The following HIKESHI variants were observed in gnomAD, a reference collection of about 807,000 sequenced individuals.
HIKESHI encodes heat shock protein nuclear import factor hikeshi, also known as protein Hikeshi.
A neutral mutation model predicts 25.7 loss-of-function variants in HIKESHI; 13 were observed. The observed-to-expected ratio is 0.51, with a 90% CI of 0.33 to 0.80. HIKESHI has a LOEUF of 0.80. HIKESHI is among the 30% of genes least tolerant of loss of function. The pLI, the probability that HIKESHI is intolerant of heterozygous loss-of-function variation, is 0.02. For synonymous variants in HIKESHI, 76 were observed against 78.7 expected (o/e 0.97, Z 0.18); for missense variants, 174 against 229.5 (o/e 0.76, Z 1.56).
At position 86,317,677 on chromosome 11, in the gene HIKESHI, G is replaced by A. The variant is rs142907060; in HGVS notation, c.268+11195G>A. The stretch of plus-strand genomic sequence containing the variant: ...AAAAATTAGCTTGGTGTGGTGGTGC[G>A]CGCCTGTTGTCCCAGCACTCGAGAG... On this transcript the variant is annotated intron_variant, in intron 2 of 4. Coordinates refer to ENST00000278483, the MANE Select transcript of HIKESHI (RefSeq NM_016401.4). Among the ~76,000 whole-genome samples the A allele has an allele frequency of 1.3e-3, 204 of 152,062 alleles. 2 individuals carry two copies. The highest frequency in any genetic ancestry group is 2.3e-3 in the South Asian group (11 of 4,810).
Position 86,306,296 on chromosome 11 carries a change from C to A in HIKESHI, c.82C>A (p.Pro28Thr), listed in dbSNP as rs374929851. 23 of 1,614,018 alleles carry A rather than the reference C, an allele frequency of 1.4e-5. No homozygotes were observed. Among genetic ancestry groups the A allele is most frequent in the Non-Finnish European group, 1.9e-5 (23 of 1,179,958 alleles). ...VAEDKFVFDL[P>T]DYESINHVVV... ...AGAGGATAAATTTGTTTTTGACTTA[C>A]CTGATTATGAAAGTATCAACCATGT... The change falls in exon 2 of 5, where the codon CCT (proline) becomes ACT (threonine). Residue 28 changes from proline (P) to threonine (T), a missense_variant. By Grantham distance (38) the Pro-to-Thr change is conservative (BLOSUM62 -1). Coordinates refer to ENST00000278483, the MANE Select transcript of HIKESHI (RefSeq NM_016401.4).
intron 3 of HIKESHI, among the ~76,000 whole-genome samples, chr11:86,338,522 C>G (rs1347650264): frequency 5.3e-5 from 8 of 152,144 alleles, no homozygotes; most frequent in Non-Finnish European, 1.5e-5. Context: ...AAAGGACGAT[C>G]ATCAGCTAAG....
At chr11:86,327,459 C>T (rs1269018577) in intron 2 of HIKESHI, among the ~76,000 whole-genome samples, 1 of 152,108 alleles carries the variant, frequency 6.6e-6, no homozygotes, top group Non-Finnish European at 1.5e-5. Context: ...GGACCACAGG[C>T]GCCTGCCACC....
intron 2 of HIKESHI, among the ~76,000 whole-genome samples, chr11:86,335,694 T>C (rs1250563040): frequency 2.6e-5 from 4 of 152,160 alleles, no homozygotes; most frequent in Non-Finnish European, 5.9e-5. Context: ...TACTAACTAA[T>C]GGAACAGAGA....
At chr11:86,344,502 T>C (rs1382309076) in intron 3 of HIKESHI, 101 bp from the exon 4 acceptor site, 2 of 730,926 alleles carry the variant, frequency 2.7e-6, no homozygotes, top group African/African-American at 1.8e-5. Flanking sequence ...GAACTGACAC[T>C]CCCTATAAAC....
intron 3 of HIKESHI, 61 bp downstream of exon 3, chr11:86,337,591 T>C: frequency 6.7e-7 from 1 of 1,492,978 alleles, no homozygotes; most frequent in Non-Finnish European, 9.1e-7. Context: ...AGGTATAATA[T>C]ACAAGTTAAA....
intron 2 of HIKESHI, among the ~76,000 whole-genome samples, chr11:86,312,007 G>A (rs938189648): frequency 6.6e-6 from 1 of 152,298 alleles, no homozygotes. Context: ...GAATAAGTGC[G>A]ATGTGGTGCT....
chr11:86,329,230 A>G (rs751136854), intron 2 of HIKESHI, among the ~76,000 whole-genome samples: 10 of 151,070 alleles, frequency 6.6e-5, no homozygotes, highest in Admixed American at 5.3e-4. Flanking sequence ...CTGGAGGATT[A>G]GTCCACCCAC....
intron 2 of HIKESHI, among the ~76,000 whole-genome samples, chr11:86,322,755 A>G (rs1340599077): frequency 6.6e-6 from 1 of 152,180 alleles, no homozygotes; most frequent in African/African-American, 2.4e-5. Flanking sequence ...ACTGGGATCC[A>G]ATTTGAATTA....
chr11:86,325,351 C>A (rs1947252655), intron 2 of HIKESHI, among the ~76,000 whole-genome samples: 1 of 152,030 alleles, frequency 6.6e-6, no homozygotes, highest in African/African-American at 2.4e-5. Flanking sequence ...AAGCCAGTTA[C>A]TGTGAGTTTT....
At chr11:86,319,985 A>G (rs981979981) in intron 2 of HIKESHI, among the ~76,000 whole-genome samples, 2 of 152,106 alleles carry the variant, frequency 1.3e-5, no homozygotes, top group Non-Finnish European at 2.9e-5. Flanking sequence ...ATAAACTTGC[A>G]TATCTACTGT....
At chr11:86,327,707 G>A (rs1010138042) in intron 2 of HIKESHI, among the ~76,000 whole-genome samples, 3 of 152,068 alleles carry the variant, frequency 2.0e-5, no homozygotes, top group Non-Finnish European at 4.4e-5. Flanking sequence ...TAGATCTACC[G>A]CTTTCAAACA....
chr11:86,328,693 C>T lies in HIKESHI; in HGVS notation c.269-8686C>T, dbSNP rs909929850. Among the ~76,000 whole-genome samples, 5 of 151,982 alleles carry T rather than the reference C, an allele frequency of 3.3e-5. 1 individual carries two copies. Among genetic ancestry groups the T allele is most frequent in the Non-Finnish European group, 7.4e-5 (5 of 67,986 alleles). On this transcript the variant is annotated intron_variant, in intron 2 of 4. Coordinates refer to ENST00000278483, the MANE Select transcript of HIKESHI (RefSeq NM_016401.4). Reference sequence around the variant, plus strand: ...TCCTGACCTTGTGATCCTCCTGCCTCGGGCTTCCAAAGTGCTGGGATTACA... The same window carrying T: ...TCCTGACCTTGTGATCCTCCTGCCTTGGGCTTCCAAAGTGCTGGGATTACA...
intron 3 of HIKESHI, among the ~76,000 whole-genome samples, chr11:86,342,555 G>A (rs1947762495): frequency 1.3e-5 from 2 of 150,950 alleles, no homozygotes; most frequent in African/African-American, 4.9e-5. Flanking sequence ...GCCCAGGCTG[G>A]TCTCAAACTC....
chr11:86,311,217 A>G (rs1178096115), intron 2 of HIKESHI, among the ~76,000 whole-genome samples: 1 of 151,982 alleles, frequency 6.6e-6, no homozygotes, highest in Non-Finnish European at 1.5e-5. Context: ...GTAGGCTATT[A>G]ATTATTGCCT....
At chr11:86,315,955 AT>A (rs1169039732) in intron 2 of HIKESHI, among the ~76,000 whole-genome samples, 1 of 152,048 alleles carries the variant, frequency 6.6e-6, no homozygotes, top group African/African-American at 2.4e-5. Context: ...AATAATATTG[AT>A]TCTCCTTACA....
At position 86,302,346 on chromosome 11, in the gene HIKESHI, C is replaced by T; in HGVS notation, c.-103C>T. ...TATGTAGTGGAGGGGCAGACACCCT[C>T]CCGCAAATTCTGGAAGGTTCTTAGT... On this transcript the variant is annotated 5_prime_UTR_variant, in exon 1 of 5. Coordinates refer to ENST00000278483, the MANE Select transcript of HIKESHI (RefSeq NM_016401.4). 4 of 1,450,582 alleles carry T rather than the reference C, an allele frequency of 2.8e-6. No homozygotes were observed. Among genetic ancestry groups the T allele is most frequent in the Middle Eastern group, 1.7e-4 (1 of 5,798 alleles). 89.9% of individuals were successfully genotyped at this position (1,450,582 alleles called of 1,614,324 possible). A position where few individuals can be genotyped will look rare whatever the true frequency, so the allele number is the denominator to read the frequency against.
intron 2 of HIKESHI, among the ~76,000 whole-genome samples, chr11:86,307,035 A>G (rs1184682204): frequency 6.9e-6 from 1 of 145,382 alleles, no homozygotes; most frequent in Non-Finnish European, 1.5e-5. Flanking sequence ...ATATAAATAT[A>G]TATATTATGT....
At chr11:86,320,991 A>G (rs149456621) in intron 2 of HIKESHI, among the ~76,000 whole-genome samples, 4,841 of 151,962 alleles carry the variant, frequency 0.032, 246 homozygotes, top group African/African-American at 0.11. Context: ...CTGGAGTGCA[A>G]TGGTGTGATC....
Sources: gnomAD v4.1 joint callset for allele counts (sites outside exome capture counted in the v4.1 genomes callset) on GRCh38, gnomAD v4.1.1 for gene constraint, MANE v1.5 for transcripts, NCBI Gene and HGNC (gene_info 2026-07-23, HGNC 2026-07-21) for gene names.